The following DST variants were observed in gnomAD, a reference collection of about 807,000 sequenced individuals.
DST encodes the protein dystonin.
A neutral mutation model predicts 875.2 loss-of-function variants in DST; 253 were observed. The observed-to-expected ratio is 0.29, with a 90% CI of 0.26 to 0.32. The LOEUF is 0.32. DST is among the 10% of genes least tolerant of loss of function. DST has a pLI of 1.00. For synonymous variants in DST, 3,124 were observed against 3,197.1 expected (o/e 0.98, Z 0.77); for missense variants, 8,287 against 9,111.6 (o/e 0.91, Z 3.68).
At chr6:56,487,666 C>T (rs1263560661) in intron 86 of DST, among the ~76,000 whole-genome samples, 1 of 152,164 alleles carries the variant, frequency 6.6e-6, no homozygotes, top group Non-Finnish European at 1.5e-5. Flanking sequence ...TCTTTCTACA[C>T]AACTCAATCA....
intron 88 of DST, among the ~76,000 whole-genome samples, chr6:56,483,377 G>T (rs1476091290): frequency 2.0e-5 from 3 of 152,052 alleles, no homozygotes; most frequent in African/African-American, 2.4e-5. Flanking sequence ...AGAGATAATG[G>T]CAGGGAATTC....
At chr6:56,636,384 A>ATG (rs2098826170) in intron 23 of DST, among the ~76,000 whole-genome samples, 173 bp downstream of exon 23, 1 of 150,450 alleles carries the variant, frequency 6.6e-6, no homozygotes, top group Non-Finnish European at 1.5e-5. Flanking sequence ...ACACACATAT[A>ATG]TGTGTATACG....
At chr6:56,729,727 A>T (rs1182934404) in intron 5 of DST, among the ~76,000 whole-genome samples, 1 of 152,176 alleles carries the variant, frequency 6.6e-6, no homozygotes, top group Non-Finnish European at 1.5e-5. Context: ...CTGTTCTCTA[A>T]AAGATACCAC....
In DST at chr6:56,527,965, G is replaced by A. The variant is rs1026092684; in HGVS notation, c.17681-231C>T. Among the ~76,000 whole-genome samples, 3 of 152,272 alleles carry A rather than the reference G, an allele frequency of 2.0e-5. No individual in the cohort carries two copies. The South Asian group carries it at 6.2e-4, about 32-fold the overall frequency. ...ATGTAGGAACTGGAAAAGGCTAAAT[G>A]TCTTTAGCTATGTGGAAAGCAGTAC... is the stretch of plus-strand genomic sequence containing the variant. On this transcript the variant is annotated intron_variant, in intron 67 of 103. Transcript: ENST00000680361.
intron 2 of DST, among the ~76,000 whole-genome samples, chr6:56,914,436 C>T (rs538126394): frequency 3.6e-4 from 55 of 152,176 alleles, no homozygotes; most frequent in Non-Finnish European, 6.9e-4. Flanking sequence ...CACATCCCGT[C>T]CCCCAGGCCA....
chr6:56,691,171 T>C (rs961071158), intron 9 of DST, among the ~76,000 whole-genome samples: 1 of 152,220 alleles, frequency 6.6e-6, no homozygotes, highest in Non-Finnish European at 1.5e-5. Context: ...AGCCAAATTA[T>C]GCTGGAAAAC....
chr6:56,608,698 A>G lies in DST; in HGVS notation c.5930T>C (p.Leu1977Pro), dbSNP rs1358460672. ...ISILRAAHEGLIDRETMFRLL... is the reference protein window; with the variant it reads ...ISILRAAHEGPIDRETMFRLL... ...CCTAAACATGGTTTCACGGTCTATG[A>G]GACCTTCATGAGCTGCTCTTAAAAT... The change falls in exon 40 of 104, where the codon CTC becomes CCC. Residue 1977 changes from leucine (L) to proline (P), a missense_variant. By Grantham distance (98) the Leu-to-Pro change is moderately conservative. Around this residue, in one of 10 missense-constraint regions of DST, gnomAD observed 3,138 missense variants for 3,116.6 expected, o/e 1.01. Coordinates refer to ENST00000680361, the MANE Select transcript of DST (RefSeq NM_001374736.1). 2 of 1,612,648 alleles carry G rather than the reference A, an allele frequency of 1.2e-6. No individual in the cohort carries two copies. The highest frequency in any genetic ancestry group is 1.7e-6 in the Non-Finnish European group (2 of 1,179,340).
intron 2 of DST, among the ~76,000 whole-genome samples, chr6:56,934,625 A>C (rs1247056290): frequency 7.0e-6 from 1 of 142,382 alleles, no homozygotes; most frequent in Non-Finnish European, 1.5e-5. Flanking sequence ...AGAGAGAGAG[A>C]GAATATGACA....
chr6:56,570,510 G>T (rs1316792667), intron 53 of DST, among the ~76,000 whole-genome samples: 1 of 152,108 alleles, frequency 6.6e-6, no homozygotes, highest in Non-Finnish European at 1.5e-5. Flanking sequence ...GGTCCTATGA[G>T]AATCTAATGC....
chr6:56,509,751 A>G lies in DST; in HGVS notation c.18903T>C (p.Asn6301=). Residue 6301 remains asparagine (N), a synonymous_variant, in exon 74 of 104, where the codon AAT becomes AAC. Transcript: ENST00000680361. ...GTAGCTTTTCCATGTCTACTGACAC[A>G]TTCTTATTTTCACTGATCTGTTCCT... The part of the protein sequence containing the change: ...KIKEQISENK[N]VSVDMEKLQP... 3.1e-6 allele frequency: 5 copies of G among 1,613,704 alleles called. No homozygotes were observed. The highest frequency in any genetic ancestry group is 4.2e-6 in the Non-Finnish European group (5 of 1,179,752).
intron 72 of DST, among the ~76,000 whole-genome samples, chr6:56,513,036 A>T (rs1490385201): frequency 6.6e-6 from 1 of 152,160 alleles, no homozygotes; most frequent in African/African-American, 2.4e-5. Flanking sequence ...AAAACTGAAG[A>T]TGTTACATAC....
Position 56,631,533 on chromosome 6 carries a change from A to G in DST, c.3964-144T>C, listed in dbSNP as rs2098780005. On this transcript the variant is annotated intron_variant, in intron 29 of 103. Transcript: ENST00000680361. ...TTCTTTGTTTGTTATCAAAGAAACT[A>G]CATCATAGCATTCAAGTTTTACAAT... The G allele has an allele frequency of 5.6e-6, 4 of 712,236 alleles. No individual in the cohort carries two copies. In the South Asian group the frequency reaches 7.1e-5, roughly 13 times the overall value. The allele number at this position is 712,236 out of a possible 1,614,324, so 44.1% of individuals were successfully genotyped here.
chr6:56,687,081 A>G (rs1266108308), intron 9 of DST, among the ~76,000 whole-genome samples: 1 of 152,230 alleles, frequency 6.6e-6, no homozygotes, highest in Non-Finnish European at 1.5e-5. Context: ...CTCCTTCTAC[A>G]GAAGCAGAAA....
chr6:56,492,898 G>A (rs1333041696), intron 84 of DST, 36 bp downstream of exon 84: 1 of 1,398,770 alleles, frequency 7.1e-7, no homozygotes, highest in Non-Finnish European at 9.5e-7. Flanking sequence ...CCTGGTGTCT[G>A]AAAAGAGAAT....
chr6:56,890,162 C>A (rs1299297137), intron 3 of DST, among the ~76,000 whole-genome samples: 1 of 149,334 alleles, frequency 6.7e-6, no homozygotes, highest in Non-Finnish European at 1.5e-5. Context: ...CCATGATCTA[C>A]CAGCTGTATG....
chr6:56,908,426 C>T (rs1256598493), intron 2 of DST, among the ~76,000 whole-genome samples: 3 of 152,092 alleles, frequency 2.0e-5, no homozygotes, highest in African/African-American at 7.2e-5. Context: ...TGAATGTAGG[C>T]CATAAACCTG....
At chr6:56,592,407 C>T in intron 48 of DST, 49 bp from the exon 49 acceptor site, 1 of 1,390,300 alleles carries the variant, frequency 7.2e-7, no homozygotes, top group Non-Finnish European at 1.0e-6. Flanking sequence ...CCACTATTTT[C>T]ATATGCATCA....
At chr6:56,610,311 A>AT in intron 39 of DST, 116 bp downstream of exon 39, 1 of 781,650 alleles carries the variant, frequency 1.3e-6, no homozygotes, top group Non-Finnish European at 1.9e-6. Flanking sequence ...CTCAATCCCT[A>AT]TTTTAACTAC....
At chr6:56,671,650 C>G (rs1387043080) in intron 9 of DST, among the ~76,000 whole-genome samples, 1 of 152,172 alleles carries the variant, frequency 6.6e-6, no homozygotes, top group East Asian at 1.9e-4. Flanking sequence ...TATTAAGGCA[C>G]AAAGTGACTT....
Sources: gnomAD v4.1 joint callset for allele counts (sites outside exome capture counted in the v4.1 genomes callset) on GRCh38, gnomAD v4.1.1 for gene constraint, gnomAD v4.1.1 regional missense constraint, MANE v1.5 for transcripts, NCBI Gene and HGNC (gene_info 2026-07-23, HGNC 2026-07-21) for gene names.